FMN2: variants seen among roughly 807,000 people sequenced by gnomAD.
FMN2 encodes formin-2.
FMN2 carries 51 observed loss-of-function variants against 142.3 expected under a neutral mutation model. The ratio of observed to expected loss-of-function variants is 0.36; its 90% CI spans 0.29 to 0.45. The LOEUF (loss-of-function observed/expected upper bound fraction) is 0.45, where lower values mean the gene tolerates loss of function less well. Among genes scored for constraint, FMN2 ranks in the 20% least tolerant of loss-of-function variants. The pLI, the probability that FMN2 is intolerant of heterozygous loss-of-function variation, is 1.00. For missense variants in FMN2, 1,936 were observed against 2,122.8 expected, an observed-to-expected ratio of 0.91 and a Z score of 1.73; for synonymous variants, 882 against 869.8, an observed-to-expected ratio of 1.01 and a Z score of -0.25.
intron 15 of FMN2, among the ~76,000 whole-genome samples, chr1:240,397,072 C>A (rs1047128059): frequency 1.3e-5 from 2 of 152,184 alleles, no homozygotes; most frequent in African/African-American, 2.4e-5. Flanking sequence ...GCATTCCCAC[C>A]AACAGTGTAC....
At chr1:240,283,034 C>T (rs1160635361) in intron 7 of FMN2, among the ~76,000 whole-genome samples, 2 of 152,166 alleles carry the variant, frequency 1.3e-5, no homozygotes, top group East Asian at 3.9e-4. Flanking sequence ...CCTTTCACAT[C>T]CAGTTGCACA....
At chr1:240,296,597 C>T (rs1162112038) in intron 8 of FMN2, among the ~76,000 whole-genome samples, 1 of 151,664 alleles carries the variant, frequency 6.6e-6, no homozygotes, top group African/African-American at 2.4e-5. Context: ...ATGTGGTGGG[C>T]AGGATGCAGA....
intron 8 of FMN2, among the ~76,000 whole-genome samples, chr1:240,313,498 A>G (rs1670662916): frequency 6.6e-6 from 1 of 152,202 alleles, no homozygotes; most frequent in African/African-American, 2.4e-5. Context: ...ATCACCTTGA[A>G]TACAATATCT....
chr1:240,419,751 T>C (rs774872908), intron 15 of FMN2, among the ~76,000 whole-genome samples: 7 of 152,130 alleles, frequency 4.6e-5, no homozygotes, highest in Non-Finnish European at 1.0e-4. Flanking sequence ...TCAGGGTCCT[T>C]CCTCACAGGG....
intron 15 of FMN2, among the ~76,000 whole-genome samples, chr1:240,412,421 G>A (rs1236865130): frequency 6.6e-6 from 1 of 152,118 alleles, no homozygotes; most frequent in Non-Finnish European, 1.5e-5. Flanking sequence ...AAGAGAGATT[G>A]GATGGAATGT....
chr1:240,092,589 C>A lies in FMN2; in HGVS notation c.480C>A (p.Ala160=). The A allele has an allele frequency of 6.2e-7, 1 of 1,613,842 alleles. No homozygotes were observed. Among genetic ancestry groups the A allele is most frequent in the Non-Finnish European group, 8.5e-7 (1 of 1,179,988 alleles). The part of the protein sequence containing the change: ...AEARVGGRPI[A]EDVETAAGAQ... ...CTAGGGTCGGGGGCCGGCCGATCGCCGAGGATGTGGAAACTGCAGCAGGGG... is the reference window on the plus strand; with the variant it reads ...CTAGGGTCGGGGGCCGGCCGATCGCAGAGGATGTGGAAACTGCAGCAGGGG... The change falls in exon 1 of 18, where the codon GCC becomes GCA. Residue 160 remains alanine (A), a synonymous_variant. Coordinates refer to ENST00000319653, the MANE Select transcript of FMN2 (RefSeq NM_020066.5).
intron 7 of FMN2, among the ~76,000 whole-genome samples, chr1:240,286,089 T>C (rs972323132): frequency 6.6e-6 from 1 of 152,110 alleles, no homozygotes; most frequent in Non-Finnish European, 1.5e-5. Flanking sequence ...TATTCACCCA[T>C]GTCTTTATCT....
intron 13 of FMN2, among the ~76,000 whole-genome samples, chr1:240,339,248 G>A (rs1240500778): frequency 6.6e-6 from 1 of 152,138 alleles, no homozygotes; most frequent in Non-Finnish European, 1.5e-5. Context: ...ATCACAAAAA[G>A]GGTGAGTATA....
intron 15 of FMN2, among the ~76,000 whole-genome samples, chr1:240,405,328 G>C (rs1417403602): frequency 1.3e-5 from 2 of 152,174 alleles, no homozygotes; most frequent in Non-Finnish European, 2.9e-5. Context: ...AGGTTATGAA[G>C]TGTCTTTAGG....
intron 13 of FMN2, among the ~76,000 whole-genome samples, chr1:240,335,514 A>T (rs537494700): frequency 1.3e-5 from 2 of 152,298 alleles, no homozygotes; most frequent in African/African-American, 2.4e-5. Flanking sequence ...TGAAATTTAC[A>T]CACACTATGA....
At chr1:240,133,149 T>C (rs1415067591) in intron 2 of FMN2, among the ~76,000 whole-genome samples, 13 of 152,150 alleles carry the variant, frequency 8.5e-5, no homozygotes, top group Non-Finnish European at 1.5e-5. Flanking sequence ...AATCTAGTGA[T>C]ATATGTCTGA....
chr1:240,118,463 G>A (rs964745489), intron 1 of FMN2, among the ~76,000 whole-genome samples: 30 of 152,114 alleles, frequency 2.0e-4, no homozygotes, highest in African/African-American at 7.0e-4. Flanking sequence ...GTGGTTAGCA[G>A]TCACTCAGAA....
intron 2 of FMN2, among the ~76,000 whole-genome samples, chr1:240,137,785 G>A (rs1466937115): frequency 1.3e-5 from 2 of 152,000 alleles, no homozygotes; most frequent in East Asian, 1.9e-4. Flanking sequence ...AGGAACAGAA[G>A]AGGCGTCTTA....
intron 1 of FMN2, among the ~76,000 whole-genome samples, chr1:240,102,651 G>A (rs1410454174): frequency 6.6e-6 from 1 of 152,064 alleles, no homozygotes; most frequent in African/African-American, 2.4e-5. Flanking sequence ...AAAATGTGTG[G>A]ATGGTATCCT....
chr1:240,401,811 C>G (rs1228161199), intron 15 of FMN2, among the ~76,000 whole-genome samples: 1 of 152,186 alleles, frequency 6.6e-6, no homozygotes, highest in Non-Finnish European at 1.5e-5. Context: ...GGCAGGGCTG[C>G]GTGGTGGACA....
At chr1:240,361,141 GTATATATA>G (rs202070560) in intron 14 of FMN2, among the ~76,000 whole-genome samples, 449 of 43,120 alleles carry the variant, frequency 0.01, 6 homozygotes, top group South Asian at 0.034. Context: ...AAATATATGT[GTATATATA>G]TATATATATA....
intron 8 of FMN2, among the ~76,000 whole-genome samples, chr1:240,327,158 A>G (rs986437627): frequency 4.6e-5 from 7 of 152,168 alleles, no homozygotes; most frequent in Non-Finnish European, 8.8e-5. Flanking sequence ...AAGAGTTTTA[A>G]TTTTTTGAGT....
intron 8 of FMN2, among the ~76,000 whole-genome samples, chr1:240,318,567 C>G (rs939833607): frequency 1.3e-5 from 2 of 152,132 alleles, no homozygotes; most frequent in Non-Finnish European, 2.9e-5. Context: ...GCCTTCTTTC[C>G]ACCCTTCATT....
chr1:240,253,994 C>A (rs1446515543), intron 6 of FMN2, among the ~76,000 whole-genome samples: 1 of 152,064 alleles, frequency 6.6e-6, no homozygotes, highest in Non-Finnish European at 1.5e-5. Context: ...CTTGAGGTGG[C>A]AGTGGCAGGC....
Sources: gnomAD v4.1 joint callset for allele counts (sites outside exome capture counted in the v4.1 genomes callset) on GRCh38, gnomAD v4.1.1 for gene constraint, MANE v1.5 for transcripts, NCBI Gene and HGNC (gene_info 2026-07-23, HGNC 2026-07-21) for gene names.